NHSL1: variants seen among roughly 807,000 people sequenced by gnomAD.
NHSL1 encodes NHS like 1, also known as NHS-like protein 1.
Under a neutral mutation model 95.0 loss-of-function variants are expected in NHSL1, and 48 were observed. The observed-to-expected ratio is 0.51, with a 90% CI of 0.40 to 0.64. The LOEUF (loss-of-function observed/expected upper bound fraction) is 0.64. NHSL1 is among the 30% of genes least tolerant of loss of function. The pLI, the probability that NHSL1 is intolerant of heterozygous loss-of-function variation, is 0.00. For missense variants in NHSL1, 1,971 were observed against 2,077.7 expected, an observed-to-expected ratio of 0.95 and a Z score of 1.00; for synonymous variants, 783 against 833.9, an observed-to-expected ratio of 0.94 and a Z score of 1.05.
chr6:138,545,806 G>A, upstream of NHSL1: 1 of 1,178,568 alleles, frequency 8.5e-7, no homozygotes, highest in South Asian at 1.6e-5. Flanking sequence ...AGCCTGCTGG[G>A]CTGTGCTGCT....
At chr6:138,482,177 G>A (rs1311731981) in intron 2 of NHSL1, among the ~76,000 whole-genome samples, 1 of 152,222 alleles carries the variant, frequency 6.6e-6, no homozygotes, top group African/African-American at 2.4e-5. Context: ...AGCCGGGCGT[G>A]GTGGCTCACG....
Position 138,670,395 on chromosome 6 carries a change from G to C in NHSL1, c.96+22081C>G, listed in dbSNP as rs7741048. On this transcript the variant is annotated intron_variant, in intron 1 of 3. Coordinates refer to the NHSL1 transcript ENST00000491526. ...TAAAAAAAAAAAAAAGGCCGGGCGC[G>C]GTGGCTCACGCCTATAATCCCAGCA... Among the ~76,000 whole-genome samples the C allele has an allele frequency of 2.4e-3, 365 of 150,790 alleles. 5 individuals are homozygous for C. The highest frequency in any genetic ancestry group is 8.3e-3 in the African/African-American group (342 of 41,038).
chr6:138,448,625 T>C (rs1462404581), intron 3 of NHSL1, among the ~76,000 whole-genome samples: 1 of 152,250 alleles, frequency 6.6e-6, no homozygotes, highest in East Asian at 1.9e-4. Context: ...CTGTTCTCTT[T>C]TGTGACCTAT....
At chr6:138,676,803 T>C (rs4343933) in intron 1 of NHSL1, among the ~76,000 whole-genome samples, 98,650 of 151,986 alleles carry the variant, frequency 0.65, 34,597 homozygotes, top group East Asian at 0.92. Context: ...TCCAGGAACA[T>C]GCCACTACAC....
At chr6:138,592,642 A>C (rs1009708918) in intron 1 of NHSL1, among the ~76,000 whole-genome samples, 1 of 150,974 alleles carries the variant, frequency 6.6e-6, no homozygotes, top group East Asian at 2.0e-4. Flanking sequence ...ACAACAACAA[A>C]AAAAACCCCT....
intron 3 of NHSL1, among the ~76,000 whole-genome samples, chr6:138,467,447 C>T (rs929707387): frequency 2.6e-4 from 40 of 152,336 alleles, no homozygotes; most frequent in African/African-American, 8.9e-4. Flanking sequence ...CCACCACGCC[C>T]GGCCAGTATT....
intron 1 of NHSL1, among the ~76,000 whole-genome samples, chr6:138,532,459 G>T (rs1443492536): frequency 6.6e-6 from 1 of 152,126 alleles, no homozygotes; most frequent in African/African-American, 2.4e-5. Context: ...CCTAATAAAG[G>T]CATGAGATGC....
chr6:138,539,804 C>T (rs1044497449), intron 1 of NHSL1, among the ~76,000 whole-genome samples: 51 of 152,274 alleles, frequency 3.3e-4, no homozygotes, highest in Non-Finnish European at 3.4e-4. Flanking sequence ...TCGTTTTAGG[C>T]GGCAAAACTC....
chr6:138,485,683 A>G (rs1289163570), intron 2 of NHSL1, among the ~76,000 whole-genome samples: 1 of 152,144 alleles, frequency 6.6e-6, no homozygotes, highest in East Asian at 1.9e-4. Flanking sequence ...CCCTTTTTGT[A>G]TATAATTCCC....
rs1775161029 is a variant in NHSL1 at position 138,424,926 on chromosome 6, C to G, written c.4086-110G>C. ...TTCAGGTCACCATCTACTTAAGATT[C>G]ACTTTCAAAAAATTTATTTTTGACT... On this transcript the variant is annotated intron_variant, in intron 7 of 7. Coordinates refer to ENST00000343505, the MANE Select transcript of NHSL1 (RefSeq NM_001144060.2). This position sits in a 1 kb window ranked among gnomAD's most constrained non-coding sequence, Gnocchi z 5.9. 4 of 944,692 alleles carry G rather than the reference C, an allele frequency of 4.2e-6. No individual in the cohort carries two copies. The highest frequency in any genetic ancestry group is 6.2e-6 in the Non-Finnish European group (4 of 649,126). The allele number at this position is 944,692 out of a possible 1,614,324, so 58.5% of individuals were successfully genotyped here. A position where few individuals can be genotyped will look rare whatever the true frequency, so the allele number is the denominator to read the frequency against.
intron 1 of NHSL1, among the ~76,000 whole-genome samples, chr6:138,524,511 A>G (rs1205696624): frequency 6.6e-6 from 1 of 152,178 alleles, no homozygotes; most frequent in Non-Finnish European, 1.5e-5. Context: ...AGATTCATCT[A>G]TGTGGTTGTG....
At chr6:138,498,935 C>A (rs1386444793) in intron 1 of NHSL1, among the ~76,000 whole-genome samples, 1 of 152,136 alleles carries the variant, frequency 6.6e-6, no homozygotes, top group Non-Finnish European at 1.5e-5. Context: ...TTGAAAAGCA[C>A]AGAAGAAGTG....
intron 1 of NHSL1, among the ~76,000 whole-genome samples, chr6:138,561,679 T>C (rs1783416312): frequency 6.6e-6 from 1 of 152,156 alleles, no homozygotes; most frequent in Non-Finnish European, 1.5e-5. Context: ...ACCCACGATG[T>C]GCCCGCCACA....
intron 3 of NHSL1, among the ~76,000 whole-genome samples, chr6:138,451,088 T>A (rs563636096): frequency 3.3e-5 from 5 of 152,102 alleles, no homozygotes; most frequent in Non-Finnish European, 7.4e-5. Context: ...GTTCAAACCC[T>A]CCAAAGTCCT....
chr6:138,693,041 C>T (rs2114817177), upstream of NHSL1, among the ~76,000 whole-genome samples: 1 of 151,264 alleles, frequency 6.6e-6, no homozygotes, highest in South Asian at 2.1e-4. This position sits in a 1 kb window ranked among gnomAD's most constrained non-coding sequence, Gnocchi z 4.3. Context: ...CAGGGCTTCG[C>T]GGGCCGCGCG....
chr6:138,508,939 A>C (rs1322390044), intron 1 of NHSL1, among the ~76,000 whole-genome samples: 1 of 152,228 alleles, frequency 6.6e-6, no homozygotes, highest in African/African-American at 2.4e-5. Flanking sequence ...CATCTACCCA[A>C]GTAATACAAA....
intron 1 of NHSL1, among the ~76,000 whole-genome samples, chr6:138,629,419 G>A (rs530937138): frequency 4.1e-5 from 6 of 146,626 alleles, no homozygotes; most frequent in Non-Finnish European, 7.4e-5. Context: ...TCTCGCTCTT[G>A]TTGCCCAGGC....
intron 2 of NHSL1, among the ~76,000 whole-genome samples, chr6:138,481,212 C>T (rs887342585): frequency 6.6e-6 from 1 of 151,978 alleles, no homozygotes; most frequent in Non-Finnish European, 1.5e-5. Context: ...ACTGACTGCA[C>T]CTAAATATCA....
rs142626587 is a variant in NHSL1 at position 138,605,374 on chromosome 6, C to T, written c.96+87102G>A. The stretch of plus-strand genomic sequence containing the variant: ...CCGGGTGGCCAGGACAACAGGCGTG[C>T]GCCAACAGGCCTGGCTAATTTCTTT... On this transcript the variant is annotated intron_variant, in intron 1 of 3. Coordinates refer to the NHSL1 transcript ENST00000491526. Among the ~76,000 whole-genome samples, 14 of 152,242 alleles carry T rather than the reference C, an allele frequency of 9.2e-5. No individual in the cohort carries two copies. In the East Asian group the frequency reaches 1.4e-3, roughly 15 times the overall value.
Sources: gnomAD v4.1 joint callset for allele counts (sites outside exome capture counted in the v4.1 genomes callset) on GRCh38, gnomAD v4.1.1 for gene constraint, Gnocchi (gnomAD v3.1) non-coding constraint, MANE v1.5 for transcripts, NCBI Gene and HGNC (gene_info 2026-07-23, HGNC 2026-07-21) for gene names.